Variants in ARID2 observed in about 807,000 individuals in gnomAD.
ARID2 encodes the protein AT-rich interaction domain 2, also known as AT-rich interactive domain-containing protein 2.
ARID2 carries 32 observed loss-of-function variants against 184.6 expected under a neutral mutation model. The observed-to-expected ratio is 0.17, with a 90% CI of 0.13 to 0.23. The LOEUF (loss-of-function observed/expected upper bound fraction) is 0.23, where lower values mean the gene tolerates loss of function less well. ARID2 is among the 10% of genes least tolerant of loss of function. ARID2 has a pLI of 1.00. For missense variants in ARID2, 1,696 were observed against 2,197.6 expected, an observed-to-expected ratio of 0.77 and a Z score of 4.56; for synonymous variants, 836 against 772.6, an observed-to-expected ratio of 1.08 and a Z score of -1.36.
chr12:45,783,551 A>T (rs1030091319), intron 3 of ARID2, among the ~76,000 whole-genome samples: 3 of 152,132 alleles, frequency 2.0e-5, no homozygotes, highest in African/African-American at 7.2e-5. Context: ...TGGCAGGGGG[A>T]TGGTTTCAGG....
intron 3 of ARID2, among the ~76,000 whole-genome samples, chr12:45,769,563 A>C (rs1941830654): frequency 6.6e-6 from 1 of 152,244 alleles, no homozygotes. Context: ...CATGAAGTGT[A>C]CCAACGTACA....
chr12:45,793,346 C>CT (rs11445315), intron 3 of ARID2, among the ~76,000 whole-genome samples: 92,117 of 151,240 alleles, frequency 0.61, 29,872 homozygotes, highest in African/African-American at 0.85. Flanking sequence ...CTTTTTAATA[C>CT]TTTTTTTCTC....
Position 45,754,536 on chromosome 12 carries a change from T to C in ARID2, c.284+23222T>C, listed in dbSNP as rs146003751. 7.7e-3 allele frequency among the ~76,000 whole-genome samples: 1,177 copies of C among 152,372 alleles called. 19 individuals carry two copies. The highest frequency in any genetic ancestry group is 0.067 in the South Asian group (326 of 4,832). On this transcript the variant is annotated intron_variant, in intron 3 of 20. Transcript: ENST00000334344. Reference sequence around the variant, plus strand: ...GCCTTTGCATGTGCCATTTTCCCTGTCTGGAATTCCTTTCCTTTTTTCATT... The same window carrying C: ...GCCTTTGCATGTGCCATTTTCCCTGCCTGGAATTCCTTTCCTTTTTTCATT...
chr12:45,800,178 CATAG>C (rs1942470015), intron 3 of ARID2, among the ~76,000 whole-genome samples: 2 of 151,962 alleles, frequency 1.3e-5, no homozygotes, highest in South Asian at 4.2e-4. Flanking sequence ...AAAATAGACT[CATAG>C]ATAGTTAACA....
chr12:45,809,921 G>T (rs992865464), intron 3 of ARID2, among the ~76,000 whole-genome samples: 3 of 151,982 alleles, frequency 2.0e-5, no homozygotes, highest in Admixed American at 1.3e-4. Flanking sequence ...TTAAGGTTTG[G>T]TACTAAAAAT....
At chr12:45,867,925 CAT>C (rs772812603) in intron 16 of ARID2, among the ~76,000 whole-genome samples, 28 of 152,074 alleles carry the variant, frequency 1.8e-4, no homozygotes, top group Non-Finnish European at 1.6e-4. Context: ...AATATAATAA[CAT>C]GTGTCCACCA....
chr12:45,902,674 A>G (rs936647354), intron 20 of ARID2, among the ~76,000 whole-genome samples: 23 of 151,462 alleles, frequency 1.5e-4, no homozygotes, highest in Admixed American at 1.2e-3. Flanking sequence ...TGGGATTAGT[A>G]GCCTCCCAAG....
intron 15 of ARID2, among the ~76,000 whole-genome samples, chr12:45,859,605 A>C (rs1404225572): frequency 6.6e-6 from 1 of 152,242 alleles, no homozygotes. Context: ...TGGTATTTCA[A>C]GAAAATATAT....
chr12:45,843,438 T>C (rs969524667), intron 11 of ARID2, among the ~76,000 whole-genome samples: 4 of 151,306 alleles, frequency 2.6e-5, no homozygotes, highest in Admixed American at 2.6e-4. Context: ...CTATCTCAGC[T>C]CACTGCAACT....
intron 16 of ARID2, among the ~76,000 whole-genome samples, chr12:45,876,785 C>A (rs1029218389): frequency 6.7e-6 from 1 of 148,250 alleles, no homozygotes; most frequent in African/African-American, 2.5e-5. Flanking sequence ...TTGCCACAAA[C>A]CTTCAATTAA....
At chr12:45,835,771 G>A (rs759177981) in intron 6 of ARID2, among the ~76,000 whole-genome samples, 5 of 151,956 alleles carry the variant, frequency 3.3e-5, no homozygotes, top group Admixed American at 6.6e-5. Context: ...GTGGTGGCGC[G>A]TGCCTATAAT....
At position 45,730,030 on chromosome 12, in the gene ARID2, T is replaced by C. The variant is rs2137959457; in HGVS notation, c.93-14T>C. On this transcript the variant is annotated splice_polypyrimidine_tract_variant and intron_variant, in intron 1 of 20. Transcript: ENST00000334344. ...GTCCCGGCTGACAAGTGCGGGGCTT[T>C]TTCTCTCCCGCAGGTCGCCTTTTAA... The C allele has an allele frequency of 6.2e-7, 1 of 1,612,398 alleles. No homozygotes were observed. Among genetic ancestry groups the C allele is most frequent in the Admixed American group, 1.7e-5 (1 of 59,912 alleles).
chr12:45,800,244 A>G (rs1227485722), intron 3 of ARID2, among the ~76,000 whole-genome samples: 1 of 152,238 alleles, frequency 6.6e-6, no homozygotes, highest in Admixed American at 6.5e-5. Context: ...TGGCAGAGTA[A>G]ACCAAAAATG....
chr12:45,899,332 T>G (rs374141743), intron 20 of ARID2, among the ~76,000 whole-genome samples: 6 of 137,246 alleles, frequency 4.4e-5, no homozygotes, highest in Non-Finnish European at 7.7e-5. Flanking sequence ...AGGCTGGGCG[T>G]GGTGGCTCAC....
At chr12:45,815,475 G>T (rs527741302) in intron 4 of ARID2, among the ~76,000 whole-genome samples, 1 of 152,188 alleles carries the variant, frequency 6.6e-6, no homozygotes, top group African/African-American at 2.4e-5. Context: ...GCTAGAATAG[G>T]TTAGAATTGA....
intron 3 of ARID2, among the ~76,000 whole-genome samples, chr12:45,751,836 A>T (rs1338741829): frequency 6.6e-6 from 1 of 152,184 alleles, no homozygotes; most frequent in Non-Finnish European, 1.5e-5. Flanking sequence ...TAAAAATATG[A>T]TATTATAATC....
intron 19 of ARID2, 42 bp from the exon 20 acceptor site, chr12:45,893,588 T>C (rs1469970014): frequency 6.2e-7 from 1 of 1,607,366 alleles, no homozygotes; most frequent in African/African-American, 1.3e-5. Flanking sequence ...CTGAGTCCTG[T>C]ATGATTTAGA....
At chr12:45,815,230 T>A (rs1416229330) in intron 4 of ARID2, among the ~76,000 whole-genome samples, 1 of 152,224 alleles carries the variant, frequency 6.6e-6, no homozygotes, top group African/African-American at 2.4e-5. Flanking sequence ...AAGACTTGGC[T>A]TATCATCAGT....
intron 4 of ARID2, among the ~76,000 whole-genome samples, chr12:45,816,464 T>C (rs779455494): frequency 2.6e-5 from 4 of 152,218 alleles, no homozygotes; most frequent in Non-Finnish European, 5.9e-5. Flanking sequence ...GAACTCTTTA[T>C]ATTGCTGATG....
Sources: gnomAD v4.1 joint callset for allele counts (sites outside exome capture counted in the v4.1 genomes callset) on GRCh38, gnomAD v4.1.1 for gene constraint, MANE v1.5 for transcripts, NCBI Gene and HGNC (gene_info 2026-07-23, HGNC 2026-07-21) for gene names.